Variants in GREM2 observed in about 807,000 individuals in gnomAD.
GREM2 encodes gremlin 2, DAN family BMP antagonist, also known as gremlin-2.
A neutral mutation model predicts 14.2 loss-of-function variants in GREM2; 11 were observed. The ratio of observed to expected loss-of-function variants is 0.78; its 90% CI spans 0.49 to 1.28. The LOEUF (loss-of-function observed/expected upper bound fraction) is 1.28. Ranked by LOEUF, GREM2 falls within the 50% of genes most tolerant of loss-of-function variation. GREM2 has a pLI of 0.00. For missense variants in GREM2, 210 were observed against 218.5 expected, an observed-to-expected ratio of 0.96 and a Z score of 0.24; for synonymous variants, 98 against 97.6, an observed-to-expected ratio of 1.00 and a Z score of -0.02.
intron 1 of GREM2, among the ~76,000 whole-genome samples, chr1:240,527,347 A>G (rs1008556205): frequency 6.6e-6 from 1 of 152,224 alleles, no homozygotes; most frequent in Non-Finnish European, 1.5e-5. Flanking sequence ...ATAATACTGC[A>G]TAAAGATAAT....
At chr1:240,544,394 G>A (rs147574211) in intron 1 of GREM2, among the ~76,000 whole-genome samples, 4,224 of 152,108 alleles carry the variant, frequency 0.028, 75 homozygotes, top group Middle Eastern at 0.048. Context: ...TGATCTGCCC[G>A]CCTTGGCCTC....
At chr1:240,601,733 C>T (rs915771262) in intron 1 of GREM2, among the ~76,000 whole-genome samples, 5 of 151,996 alleles carry the variant, frequency 3.3e-5, no homozygotes, top group Admixed American at 6.6e-5. Flanking sequence ...ATGGCGAAAC[C>T]CCGTCTCTGC....
intron 1 of GREM2, among the ~76,000 whole-genome samples, chr1:240,520,117 T>TA (rs1284549816): frequency 2.0e-5 from 3 of 152,084 alleles, no homozygotes; most frequent in Admixed American, 6.5e-5. Flanking sequence ...TAAAATAAAA[T>TA]AGTCATCAAA....
intron 1 of GREM2, among the ~76,000 whole-genome samples, chr1:240,545,077 G>A (rs1240612481): frequency 6.6e-6 from 1 of 152,202 alleles, no homozygotes; most frequent in Non-Finnish European, 1.5e-5. Flanking sequence ...TTGTCTGATG[G>A]CTGGAGGCTC....
chr1:240,570,187 G>C (rs1310789925), intron 1 of GREM2, among the ~76,000 whole-genome samples: 1 of 152,150 alleles, frequency 6.6e-6, no homozygotes, highest in East Asian at 1.9e-4. Context: ...TTAACAGATG[G>C]GTGCAGTGGC....
intron 1 of GREM2, among the ~76,000 whole-genome samples, chr1:240,583,205 C>G (rs774441317): frequency 2.6e-5 from 4 of 152,066 alleles, no homozygotes; most frequent in Non-Finnish European, 5.9e-5. Flanking sequence ...ATAATCCTTA[C>G]TTGCAGAAAA....
chr1:240,499,085 C>T (rs548488916), intron 1 of GREM2, among the ~76,000 whole-genome samples: 1 of 152,228 alleles, frequency 6.6e-6, no homozygotes, highest in African/African-American at 2.4e-5. Flanking sequence ...CCATCACAGG[C>T]CCCTTCTATC....
intron 1 of GREM2, among the ~76,000 whole-genome samples, chr1:240,519,445 CA>C (rs1219619077): frequency 1.3e-5 from 2 of 151,704 alleles, no homozygotes; most frequent in Non-Finnish European, 2.9e-5. Flanking sequence ...CACCGTTTTC[CA>C]AAAATAAAAT....
chr1:240,576,257 T>C (rs934511358), intron 1 of GREM2, among the ~76,000 whole-genome samples: 3 of 152,204 alleles, frequency 2.0e-5, no homozygotes, highest in South Asian at 4.1e-4. Flanking sequence ...GGGCCAGCAA[T>C]AGAATTGTCT....
At chr1:240,579,938 A>T (rs1429048478) in intron 1 of GREM2, among the ~76,000 whole-genome samples, 3 of 152,206 alleles carry the variant, frequency 2.0e-5, no homozygotes, top group Non-Finnish European at 4.4e-5. Context: ...TGCATGGGGC[A>T]GTGTGAGGGA....
intron 1 of GREM2, among the ~76,000 whole-genome samples, chr1:240,605,765 G>C (rs1680012874): frequency 6.6e-6 from 1 of 151,806 alleles, no homozygotes; most frequent in African/African-American, 2.4e-5. Flanking sequence ...TTATGAACAG[G>C]CCATCCCAGG....
rs1013437454 is a variant in GREM2 at position 240,491,317 on chromosome 1, A to C, written c.*1652T>G. 20 of 152,598 alleles carry C rather than the reference A, an allele frequency of 1.3e-4. No individual in the cohort carries two copies. Among genetic ancestry groups the C allele is most frequent in the African/African-American group, 4.8e-4 (20 of 41,450 alleles). The allele number at this position is 152,598 out of a possible 1,614,324, so 9.5% of individuals were successfully genotyped here. ...TACTAGGGAAGTGGCCCCTCACAGG[A>C]GCACTTACCAGGGAATCATCAGTGA... On this transcript the variant is annotated 3_prime_UTR_variant, in exon 2 of 2. Transcript: ENST00000318160.
chr1:240,574,385 C>T (rs1679320057), intron 1 of GREM2, among the ~76,000 whole-genome samples: 2 of 152,232 alleles, frequency 1.3e-5, no homozygotes, highest in East Asian at 1.9e-4. Flanking sequence ...ACTTCTCTCA[C>T]GTGGCACATG....
chr1:240,590,287 A>G (rs909195720), intron 1 of GREM2, among the ~76,000 whole-genome samples: 2 of 152,122 alleles, frequency 1.3e-5, no homozygotes, highest in Admixed American at 1.3e-4. Flanking sequence ...GTATCTCGAT[A>G]GCTTGCCAGT....
intron 1 of GREM2, among the ~76,000 whole-genome samples, chr1:240,547,380 G>A (rs904189209): frequency 6.3e-4 from 95 of 151,162 alleles, no homozygotes; most frequent in Admixed American, 4.1e-3. Context: ...GGCGCCTGTA[G>A]TCCCAGCTAC....
Position 240,508,954 on chromosome 1 carries a change from G to A in GREM2, c.-1-15478C>T, listed in dbSNP as rs989827085. ...TTTGGGCTCTGGTCCATTGCCTGGG[G>A]CAAACTTCATTAATTATATCCTCAT... On this transcript the variant is annotated intron_variant, in intron 1 of 1. Transcript: ENST00000318160. Among the ~76,000 whole-genome samples, 4 of 152,146 alleles carry A rather than the reference G, an allele frequency of 2.6e-5. No individual in the cohort carries two copies. In the East Asian group the frequency reaches 7.7e-4, roughly 29 times the overall value.
chr1:240,570,941 C>G (rs984567329), intron 1 of GREM2, among the ~76,000 whole-genome samples: 1 of 152,166 alleles, frequency 6.6e-6, no homozygotes, highest in African/African-American at 2.4e-5. Context: ...TAGGCAGGAA[C>G]AGTGCATACA....
intron 1 of GREM2, among the ~76,000 whole-genome samples, chr1:240,517,710 A>C (rs954360593): frequency 1.2e-4 from 18 of 152,344 alleles, no homozygotes; most frequent in African/African-American, 4.3e-4. Flanking sequence ...TGCATGTACA[A>C]GCACACAGAT....
intron 1 of GREM2, 32 bp downstream of exon 1, chr1:240,611,852 C>G (rs142817590): frequency 6.5e-6 from 1 of 152,814 alleles, no homozygotes; most frequent in Non-Finnish European, 1.5e-5. Flanking sequence ...GAAACCGTGT[C>G]TGTGTCACGT....
Sources: allele counts gnomAD v4.1 joint callset (sites outside exome capture counted in the v4.1 genomes callset), GRCh38; gene constraint gnomAD v4.1.1; transcripts MANE v1.5; gene names NCBI Gene and HGNC (gene_info 2026-07-23, HGNC 2026-07-21).